Variants in MAST4 observed in about 807,000 individuals in gnomAD.
MAST4 encodes microtubule associated serine/threonine kinase family member 4.
In MAST4, 89 loss-of-function variants were observed where a neutral mutation model predicts 162.7. The ratio of observed to expected loss-of-function variants is 0.55; its 90% CI spans 0.46 to 0.65. MAST4 has a LOEUF of 0.65. Ranked by LOEUF, MAST4 falls within the 30% of genes least tolerant of loss-of-function variation. The probability of loss-of-function intolerance (pLI) is 0.00; values close to 1 mark genes in which losing one functional copy is unlikely to be tolerated. For synonymous variants in MAST4, 1,479 were observed against 1,361.1 expected (o/e 1.09, Z -1.91); for missense variants, 3,153 against 3,374.0 (o/e 0.93, Z 1.62).
At chr5:66,619,808 T>A (rs1176971496) in intron 1 of MAST4, among the ~76,000 whole-genome samples, 1 of 151,988 alleles carries the variant, frequency 6.6e-6, no homozygotes, top group Admixed American at 6.6e-5. Context: ...TTAAAAAAAA[T>A]TTATATCAAG....
chr5:66,951,190 T>G (rs1651212469), intron 4 of MAST4, among the ~76,000 whole-genome samples: 1 of 152,222 alleles, frequency 6.6e-6, no homozygotes, highest in African/African-American at 2.4e-5. Flanking sequence ...AGACATTATT[T>G]GAACAACAAC....
chr5:66,809,454 G>A (rs1756368394), intron 3 of MAST4, among the ~76,000 whole-genome samples: 1 of 152,184 alleles, frequency 6.6e-6, no homozygotes, highest in Middle Eastern at 3.2e-3. Context: ...AAGAGGTTCA[G>A]TCATCCTGTT....
chr5:67,147,156 C>T (rs1461588570), intron 23 of MAST4, among the ~76,000 whole-genome samples: 4 of 151,848 alleles, frequency 2.6e-5, no homozygotes, highest in Non-Finnish European at 5.9e-5. Context: ...AGATTCACAC[C>T]ATCTTTCTCT....
chr5:67,066,662 G>A (rs558877465), intron 5 of MAST4, among the ~76,000 whole-genome samples: 1 of 152,182 alleles, frequency 6.6e-6, no homozygotes, highest in African/African-American at 2.4e-5. Flanking sequence ...GTTCTTATAA[G>A]TAATGCTGTG....
chr5:67,166,894 C>A lies in MAST4; in HGVS notation c.7715C>A (p.Pro2572Gln), dbSNP rs764675766. Residue 2572 changes from proline to glutamine, a missense_variant, in exon 29 of 29, where the codon CCA becomes CAA. Physicochemically the swap from Pro to Gln is moderately conservative, Grantham distance 76. Transcript: ENST00000403625. ...GACCCTGCCCCAGCCCAGCCTCCCCCAGCTAGGAAACAGAACGTGGGCAGA... is the reference window on the plus strand; with the variant it reads ...GACCCTGCCCCAGCCCAGCCTCCCCAAGCTAGGAAACAGAACGTGGGCAGA... ...GKDPAPAQPP[P>Q]ARKQNVGRDV... is the part of the protein sequence containing the mutation. 1.2e-6 allele frequency: 2 copies of A among 1,610,818 alleles called. No individual in the cohort carries two copies. Among genetic ancestry groups the A allele is most frequent in the Non-Finnish European group, 1.7e-6 (2 of 1,178,834 alleles).
intron 3 of MAST4, among the ~76,000 whole-genome samples, chr5:66,840,658 T>C (rs986133196): frequency 2.0e-5 from 3 of 152,178 alleles, no homozygotes; most frequent in African/African-American, 7.2e-5. Context: ...GGATGTATCA[T>C]GAGCAGAGGC....
chr5:66,692,144 C>T (rs574048948), intron 1 of MAST4, among the ~76,000 whole-genome samples: 4 of 152,274 alleles, frequency 2.6e-5, no homozygotes, highest in African/African-American at 7.2e-5. Context: ...CACTCTCTCT[C>T]ACACTCTCAC....
At chr5:66,713,860 T>C (rs929346675) in intron 1 of MAST4, among the ~76,000 whole-genome samples, 6 of 152,168 alleles carry the variant, frequency 3.9e-5, no homozygotes, top group African/African-American at 1.4e-4. Flanking sequence ...TGGCGTCTTA[T>C]TTTTTTCATG....
At chr5:67,078,394 ACT>A (rs1400111988) in intron 5 of MAST4, among the ~76,000 whole-genome samples, 1 of 150,900 alleles carries the variant, frequency 6.6e-6, no homozygotes, top group African/African-American at 2.4e-5. Flanking sequence ...TGAAGTACAA[ACT>A]CTGGGTAGTT....
chr5:67,119,633 A>AT (rs2150947649), intron 13 of MAST4, among the ~76,000 whole-genome samples: 1 of 152,334 alleles, frequency 6.6e-6, no homozygotes, highest in East Asian at 1.9e-4. Flanking sequence ...TAAGTGCTAA[A>AT]TAAATGATAG....
intron 4 of MAST4, among the ~76,000 whole-genome samples, chr5:67,040,168 A>T (rs1170221723): frequency 6.6e-6 from 1 of 152,170 alleles, no homozygotes; most frequent in Non-Finnish European, 1.5e-5. Flanking sequence ...TCTCTTGAAC[A>T]CTGAGAGTGA....
chr5:66,859,042 A>G (rs1238145738), intron 3 of MAST4, among the ~76,000 whole-genome samples: 2 of 152,148 alleles, frequency 1.3e-5, no homozygotes, highest in Non-Finnish European at 2.9e-5. Flanking sequence ...ATCAAAAATA[A>G]TATGTATATT....
rs58516054 is a variant in MAST4, at chr5:66,790,971, T to C, written c.642+2177T>C. Among the ~76,000 whole-genome samples the C allele has an allele frequency of 6.8e-3, 1,036 of 152,326 alleles. 14 individuals carry two copies. Among genetic ancestry groups the C allele is most frequent in the African/African-American group, 0.024 (983 of 41,576 alleles). ...ATGTTTATCGCCAAGTCAATCATTG[T>C]AATTCAAACAACACTGTCACAGAAT... On this transcript the variant is annotated intron_variant, in intron 3 of 28. Coordinates refer to ENST00000403625, the MANE Select transcript of MAST4 (RefSeq NM_001164664.2).
intron 3 of MAST4, among the ~76,000 whole-genome samples, chr5:66,803,202 C>G (rs1356066178): frequency 1.3e-5 from 2 of 152,162 alleles, no homozygotes; most frequent in Non-Finnish European, 2.9e-5. Context: ...GTGTATTTCT[C>G]TATATACATG....
intron 1 of MAST4, among the ~76,000 whole-genome samples, chr5:66,698,990 G>A (rs1749589742): frequency 6.6e-6 from 1 of 152,096 alleles, no homozygotes; most frequent in Non-Finnish European, 1.5e-5. Flanking sequence ...CTTTTATCTT[G>A]TTTAAAGTAT....
At chr5:67,130,139 G>GT in intron 14 of MAST4, 71 bp from the exon 15 acceptor site, 1 of 1,399,894 alleles carries the variant, frequency 7.1e-7, no homozygotes, top group Non-Finnish European at 9.8e-7. Flanking sequence ...GATTTATATG[G>GT]TTTACTGTAT....
At chr5:66,674,246 T>A (rs891515941) in intron 1 of MAST4, among the ~76,000 whole-genome samples, 1 of 152,194 alleles carries the variant, frequency 6.6e-6, no homozygotes, top group African/African-American at 2.4e-5. Flanking sequence ...ATGACTAAGT[T>A]TTTTTGGGGA....
Position 66,862,013 on chromosome 5 carries a change from G to A in MAST4, c.643-37938G>A, listed in dbSNP as rs141246619. The stretch of plus-strand genomic sequence containing the variant: ...GATAAATGCTATCCTACCCCAATCC[G>A]CAAAGCCAGGCTGCTTCTCCTTTCC... On this transcript the variant is annotated intron_variant, in intron 3 of 28. Transcript: ENST00000403625. Among the ~76,000 whole-genome samples the A allele has an allele frequency of 5.3e-5, 8 of 152,288 alleles. No homozygotes were observed. The East Asian group carries it at 1.5e-3, about 29-fold the overall frequency.
intron 15 of MAST4, among the ~76,000 whole-genome samples, chr5:67,131,422 A>C (rs1201617353): frequency 6.6e-6 from 1 of 152,194 alleles, no homozygotes; most frequent in Non-Finnish European, 1.5e-5. Context: ...GAAGGAACCA[A>C]GAGTCGTTTG....
Sources: gnomAD v4.1 joint callset for allele counts (sites outside exome capture counted in the v4.1 genomes callset) on GRCh38, gnomAD v4.1.1 for gene constraint, MANE v1.5 for transcripts, NCBI Gene and HGNC (gene_info 2026-07-23, HGNC 2026-07-21) for gene names.